CHCHD6: variants seen among roughly 807,000 people sequenced by gnomAD.
CHCHD6 encodes the protein coiled-coil-helix-coiled-coil-helix domain containing 6, also known as MICOS complex subunit MIC25.
In CHCHD6, 28 loss-of-function variants were observed where a neutral mutation model predicts 32.3. That is an observed-to-expected ratio of 0.87 (90% CI 0.64 to 1.19). CHCHD6 has a LOEUF of 1.19. Among genes scored for constraint, CHCHD6 ranks in the 50% most tolerant of loss-of-function variants. The pLI is 0.00. For missense variants in CHCHD6, 333 were observed against 307.0 expected (o/e 1.08, Z -0.63); for synonymous variants, 122 against 117.5 (o/e 1.04, Z -0.25).
Position 126,799,065 on chromosome 3 carries a change from A to G in CHCHD6, c.412-53582A>G, listed in dbSNP as rs139762893. The stretch of plus-strand genomic sequence containing the variant: ...CCCATGGCTCCTGGACTTTTGCATT[A>G]CCAGGCTTGGCCCTTTGTTAACATT... On this transcript the variant is annotated intron_variant, in intron 4 of 7. Coordinates refer to ENST00000290913, the MANE Select transcript of CHCHD6 (RefSeq NM_032343.3). Among the ~76,000 whole-genome samples, 477 of 152,266 alleles carry G rather than the reference A, an allele frequency of 3.1e-3. 3 individuals are homozygous for G. Among genetic ancestry groups the G allele is most frequent in the African/African-American group, 0.011 (458 of 41,548 alleles).
intron 1 of CHCHD6, among the ~76,000 whole-genome samples, chr3:126,723,088 C>A (rs1471681615): frequency 2.6e-5 from 4 of 152,164 alleles, no homozygotes; most frequent in Non-Finnish European, 5.9e-5. Flanking sequence ...CATCTTGGCA[C>A]CCTTGTTGAA....
chr3:126,881,519 T>C (rs1005663883), intron 5 of CHCHD6, among the ~76,000 whole-genome samples: 14 of 152,190 alleles, frequency 9.2e-5, no homozygotes, highest in African/African-American at 2.9e-4. Flanking sequence ...AGCAAAACTT[T>C]TGTGAGAAAA....
At chr3:126,908,366 G>A (rs1169583573) in intron 5 of CHCHD6, among the ~76,000 whole-genome samples, 6 of 152,220 alleles carry the variant, frequency 3.9e-5, no homozygotes, top group Admixed American at 3.9e-4. Flanking sequence ...TTCCACATGA[G>A]CCTCTCAGCT....
At chr3:126,744,321 C>T (rs1490115808) in intron 4 of CHCHD6, among the ~76,000 whole-genome samples, 3 of 152,220 alleles carry the variant, frequency 2.0e-5, no homozygotes, top group Non-Finnish European at 2.9e-5. Flanking sequence ...TTTGTCAAGC[C>T]GATTGTGTTT....
intron 4 of CHCHD6, among the ~76,000 whole-genome samples, chr3:126,826,609 G>A (rs1429572248): frequency 6.6e-6 from 1 of 152,092 alleles, no homozygotes; most frequent in Non-Finnish European, 1.5e-5. Context: ...GGCAGAAGGA[G>A]GCATCATTAT....
chr3:126,930,953 C>T (rs944340030), intron 6 of CHCHD6, among the ~76,000 whole-genome samples: 1 of 152,242 alleles, frequency 6.6e-6, no homozygotes, highest in Non-Finnish European at 1.5e-5. Flanking sequence ...CCATCTCTTC[C>T]TATCTGCCAA....
At chr3:126,831,899 C>T (rs1214403381) in intron 4 of CHCHD6, among the ~76,000 whole-genome samples, 2 of 152,250 alleles carry the variant, frequency 1.3e-5, no homozygotes, top group Admixed American at 1.3e-4. Flanking sequence ...GTGAGGAGTG[C>T]GAGGGGCTAA....
At chr3:126,876,305 CAGA>C (rs1221732901) in intron 5 of CHCHD6, among the ~76,000 whole-genome samples, 1 of 152,196 alleles carries the variant, frequency 6.6e-6, no homozygotes, top group African/African-American at 2.4e-5. Flanking sequence ...TCAAATGATA[CAGA>C]AGCACAGCAA....
At chr3:126,766,945 C>G (rs1365242949) in intron 4 of CHCHD6, 1 of 1,015,720 alleles carries the variant, frequency 9.8e-7, no homozygotes, top group Admixed American at 1.7e-5. Flanking sequence ...GGAGAAGACT[C>G]ACTTCTGGGA....
chr3:126,799,257 A>G (rs1938947560), intron 4 of CHCHD6, among the ~76,000 whole-genome samples: 1 of 152,196 alleles, frequency 6.6e-6, no homozygotes, highest in African/African-American at 2.4e-5. Context: ...TACTCAACAG[A>G]TGGGTGTGGG....
intron 4 of CHCHD6, among the ~76,000 whole-genome samples, chr3:126,815,671 C>A (rs1418636120): frequency 6.7e-6 from 1 of 149,142 alleles, no homozygotes; most frequent in Non-Finnish European, 1.5e-5. Context: ...GTGTCCACAG[C>A]CCTTGCTCCC....
chr3:126,730,523 G>A (rs1935743412), intron 2 of CHCHD6, 38 bp from the exon 3 acceptor site: 1 of 1,583,326 alleles, frequency 6.3e-7, no homozygotes, highest in East Asian at 2.2e-5. Flanking sequence ...GGACCCTGGG[G>A]TGCCACTGAC....
chr3:126,774,515 A>G (rs1937600702), intron 4 of CHCHD6, among the ~76,000 whole-genome samples: 1 of 152,222 alleles, frequency 6.6e-6, no homozygotes, highest in Non-Finnish European at 1.5e-5. Context: ...TGGAACCACG[A>G]CTTCGTGCTC....
rs1937105765 is a variant in CHCHD6 at position 126,760,068 on chromosome 3, G to A, written c.411+26846G>A. Among the ~76,000 whole-genome samples, 3 of 152,300 alleles carry A rather than the reference G, an allele frequency of 2.0e-5. No homozygotes were observed. In the South Asian group the frequency reaches 6.2e-4, roughly 32 times the overall value. On this transcript the variant is annotated intron_variant, in intron 4 of 7. Transcript: ENST00000290913. ...AAACTTGCTCACTGTGGTGAGGACA[G>A]CACCAAGCCATGAAGGATCTGCCCC...
rs192395657 is a variant in CHCHD6, at chr3:126,809,304, C to T, written c.412-43343C>T. On this transcript the variant is annotated intron_variant, in intron 4 of 7. Coordinates refer to ENST00000290913, the MANE Select transcript of CHCHD6 (RefSeq NM_032343.3). ...GCTTTTGCTTTGACGGGACCCCTTC[C>T]GCCTCTTGGTAGCCACTGCTTAGGT... 4.9e-4 allele frequency among the ~76,000 whole-genome samples: 74 copies of T among 152,268 alleles called. 1 individual carries two copies. Among genetic ancestry groups the T allele is most frequent in the Admixed American group, 1.3e-3 (20 of 15,284 alleles).
intron 5 of CHCHD6, among the ~76,000 whole-genome samples, chr3:126,884,873 A>G (rs1487319864): frequency 6.6e-6 from 1 of 152,196 alleles, no homozygotes; most frequent in African/African-American, 2.4e-5. Context: ...TCTCTGGGGC[A>G]TGGATCTGCC....
At chr3:126,911,892 A>C in intron 5 of CHCHD6, among the ~76,000 whole-genome samples, 1 of 152,206 alleles carries the variant, frequency 6.6e-6, no homozygotes, top group South Asian at 2.1e-4. Flanking sequence ...GACACTCAGG[A>C]GCCCTGTGGG....
chr3:126,960,154 C>A (rs376817354), intron 7 of CHCHD6, 42 bp from the exon 8 acceptor site: 1 of 1,550,762 alleles, frequency 6.4e-7, no homozygotes, highest in Non-Finnish European at 8.7e-7. Flanking sequence ...AGGGCATGGG[C>A]GGAGTGGGCC....
chr3:126,805,164 C>G (rs1304534887), intron 4 of CHCHD6, among the ~76,000 whole-genome samples: 1 of 152,168 alleles, frequency 6.6e-6, no homozygotes, highest in Non-Finnish European at 1.5e-5. Context: ...CCTCTCTCAC[C>G]ACCCCTATTC....
Sources: gnomAD v4.1 joint callset for allele counts (sites outside exome capture counted in the v4.1 genomes callset) on GRCh38, gnomAD v4.1.1 for gene constraint, MANE v1.5 for transcripts, NCBI Gene and HGNC (gene_info 2026-07-23, HGNC 2026-07-21) for gene names.